The following SAMD5 variants were observed in gnomAD, a reference collection of about 807,000 sequenced individuals.
SAMD5 encodes sterile alpha motif domain-containing protein 5.
SAMD5 carries 13 observed loss-of-function variants against 11.3 expected under a neutral mutation model. The ratio of observed to expected loss-of-function variants is 1.15; its 90% CI spans 0.75 to 1.83. SAMD5 has a LOEUF of 1.83. SAMD5 is among the 40% of genes most tolerant of loss of function. SAMD5 has a pLI of 0.00. For synonymous variants in SAMD5, 129 were observed against 111.3 expected (o/e 1.16, Z -1.00); for missense variants, 255 against 239.1 (o/e 1.07, Z -0.44).
chr6:147,797,200 T>G, the SAMD5 span, among the ~76,000 whole-genome samples: 1,178 of 130,780 alleles, frequency 9.0e-3, 3 homozygotes, highest in African/African-American at 0.016. Context: ...TATTGGCTGT[T>G]GGTTTGTCAT....
the SAMD5 span, among the ~76,000 whole-genome samples, chr6:147,865,866 A>C: frequency 0.033 from 4,996 of 152,244 alleles, 276 homozygotes; most frequent in African/African-American, 0.11. Context: ...CAGAAAATGC[A>C]TTTATGCCAA....
At chr6:147,787,763 G>A in the SAMD5 span, among the ~76,000 whole-genome samples, 300 of 152,238 alleles carry the variant, frequency 2.0e-3, 1 homozygote, top group African/African-American at 6.8e-3. Flanking sequence ...ATGGAGTACC[G>A]AAAAAAGATT....
chr6:147,906,582 T>C, the SAMD5 span, among the ~76,000 whole-genome samples: 5 of 152,218 alleles, frequency 3.3e-5, no homozygotes, highest in Non-Finnish European at 7.3e-5. Flanking sequence ...CTTTCCCTGT[T>C]GATGCTTAGT....
the SAMD5 span, among the ~76,000 whole-genome samples, chr6:147,750,686 A>C: frequency 2.0e-5 from 3 of 152,222 alleles, no homozygotes; most frequent in Non-Finnish European, 4.4e-5. Flanking sequence ...GCACTTTGGG[A>C]GGCCAAGGCG....
chr6:147,909,628 CT>C, the SAMD5 span, among the ~76,000 whole-genome samples: 1 of 55,196 alleles, frequency 1.8e-5, no homozygotes, highest in African/African-American at 1.2e-4. Context: ...TTCTTTCTTT[CT>C]TTCTCTTTCT....
intron 1 of SAMD5, among the ~76,000 whole-genome samples, chr6:147,651,895 C>G (rs1790490469): frequency 6.6e-6 from 1 of 152,156 alleles, no homozygotes; most frequent in Non-Finnish European, 1.5e-5. Flanking sequence ...TGATTCAGTG[C>G]TTTCCTCCAA....
the SAMD5 span, among the ~76,000 whole-genome samples, chr6:147,769,288 G>C: frequency 3.3e-5 from 5 of 152,224 alleles, no homozygotes; most frequent in Middle Eastern, 3.2e-3. Flanking sequence ...GCTGCTTCTA[G>C]AGAGTGAAGC....
the SAMD5 span, among the ~76,000 whole-genome samples, chr6:147,772,050 C>T: frequency 6.6e-6 from 1 of 152,150 alleles, no homozygotes; most frequent in Non-Finnish European, 1.5e-5. Flanking sequence ...AAAAATCCAT[C>T]TTATTTCATG....
chr6:147,596,747 C>A (rs895685510), intron 1 of SAMD5, among the ~76,000 whole-genome samples: 3 of 152,166 alleles, frequency 2.0e-5, no homozygotes, highest in Non-Finnish European at 4.4e-5. Context: ...ATTTACTTAA[C>A]AAACCTGCCC....
At position 147,509,286 on chromosome 6, in the gene SAMD5, A is replaced by G. The variant is rs1412129409; in HGVS notation, c.358A>G (p.Arg120Gly). Residue 120 changes from arginine (R) to glycine (G), a missense_variant, in exon 1 of 2, where the codon AGG (arginine) becomes GGG (glycine). Coordinates refer to ENST00000367474, the MANE Select transcript of SAMD5 (RefSeq NM_001030060.3). Reference sequence around the variant, plus strand: ...CGGCCACACGACCGCCCCCCGCAGCAGGGAGCTGGTGAGCTACCCCAAACT... The same window carrying G: ...CGGCCACACGACCGCCCCCCGCAGCGGGGAGCTGGTGAGCTACCCCAAACT... ...SRGHTTAPRSRELVSYPKLKL... is the reference protein window; with the variant it reads ...SRGHTTAPRSGELVSYPKLKL... 6 of 1,565,280 alleles carry G rather than the reference A, an allele frequency of 3.8e-6. No homozygotes were observed. Among genetic ancestry groups the G allele is most frequent in the South Asian group, 2.3e-5 (2 of 85,386 alleles).
chr6:147,694,592 G>A (rs1293738614), intron 1 of SAMD5, among the ~76,000 whole-genome samples: 5 of 143,364 alleles, frequency 3.5e-5, no homozygotes, highest in Non-Finnish European at 8.0e-5. Context: ...CAAGGTGGGT[G>A]GATCGCTTGA....
intron 1 of SAMD5, among the ~76,000 whole-genome samples, chr6:147,586,972 T>C (rs1312002704): frequency 2.0e-5 from 3 of 152,208 alleles, no homozygotes; most frequent in African/African-American, 4.8e-5. Flanking sequence ...TATGATATTT[T>C]AAGCTTTGAA....
intron 1 of SAMD5, among the ~76,000 whole-genome samples, chr6:147,698,533 C>T (rs1309283261): frequency 1.3e-5 from 2 of 152,152 alleles, no homozygotes; most frequent in African/African-American, 4.8e-5. Flanking sequence ...TCCTCAGTAT[C>T]CCCCTAGTAC....
intron 1 of SAMD5, among the ~76,000 whole-genome samples, chr6:147,674,623 T>A (rs1254363403): frequency 1.3e-5 from 2 of 152,206 alleles, no homozygotes; most frequent in African/African-American, 4.8e-5. Flanking sequence ...GGATAAAATC[T>A]CTTCCTGCCT....
the SAMD5 span, among the ~76,000 whole-genome samples, chr6:147,898,919 C>G: frequency 2.6e-5 from 4 of 151,490 alleles, no homozygotes; most frequent in South Asian, 8.4e-4. Context: ...GGTGGCTCAC[C>G]CCTGTAATCC....
At chr6:147,909,625 T>TC in the SAMD5 span, among the ~76,000 whole-genome samples, 19 of 64,626 alleles carry the variant, frequency 2.9e-4, no homozygotes, top group South Asian at 1.4e-3. Flanking sequence ...TCTTTCTTTC[T>TC]TTCTTTCTCT....
At chr6:147,803,602 A>G in the SAMD5 span, among the ~76,000 whole-genome samples, 52 of 152,316 alleles carry the variant, frequency 3.4e-4, no homozygotes, top group African/African-American at 1.2e-3. Context: ...AGCATGTTTT[A>G]TGTTTATAAT....
rs189805459 is a variant in SAMD5 at position 147,625,026 on chromosome 6, C to T, written c.163-112291C>T. Among the ~76,000 whole-genome samples the T allele has an allele frequency of 3.4e-3, 512 of 152,292 alleles. 2 individuals are homozygous for T. The highest frequency in any genetic ancestry group is 0.012 in the African/African-American group (479 of 41,550). ...CTTCTGTAGCTCAGCGCCCAGAACTCAGGGTAGAAGCAGGCGTGACACTTG... is the reference window on the plus strand; with the variant it reads ...CTTCTGTAGCTCAGCGCCCAGAACTTAGGGTAGAAGCAGGCGTGACACTTG... On this transcript the variant is annotated intron_variant, in intron 1 of 1. Transcript: ENST00000566741.
intron 1 of SAMD5, among the ~76,000 whole-genome samples, chr6:147,645,200 A>ATTT (rs1174534018): frequency 1.3e-5 from 2 of 152,192 alleles, no homozygotes; most frequent in Non-Finnish European, 2.9e-5. Flanking sequence ...TGCCACTAGC[A>ATTT]GTTGATGGCA....
Sources: allele counts gnomAD v4.1 joint callset (sites outside exome capture counted in the v4.1 genomes callset), GRCh38; gene constraint gnomAD v4.1.1; transcripts MANE v1.5; gene names NCBI Gene and HGNC (gene_info 2026-07-23, HGNC 2026-07-21).